Variants in NPAS3 observed in about 807,000 individuals in gnomAD.
NPAS3 encodes the protein neuronal PAS domain protein 3.
Under a neutral mutation model 73.1 loss-of-function variants are expected in NPAS3, and 14 were observed. That is an observed-to-expected ratio of 0.19 (90% CI 0.13 to 0.30). The LOEUF (loss-of-function observed/expected upper bound fraction) is 0.30, where lower values mean the gene tolerates loss of function less well. Among genes scored for constraint, NPAS3 ranks in the 10% least tolerant of loss-of-function variants. The pLI, the probability that NPAS3 is intolerant of heterozygous loss-of-function variation, is 1.00. For synonymous variants in NPAS3, 620 were observed against 541.5 expected, an observed-to-expected ratio of 1.14 and a Z score of -2.01; for missense variants, 1,096 against 1,250.0, an observed-to-expected ratio of 0.88 and a Z score of 1.86.
intron 1 of NPAS3, among the ~76,000 whole-genome samples, chr14:33,047,848 A>C (rs2138464687): frequency 6.6e-6 from 1 of 152,298 alleles, no homozygotes; most frequent in South Asian, 2.1e-4. Context: ...TCTCAGTGGA[A>C]GGACAAGTTT....
At chr14:33,117,270 G>A (rs1035585359) in intron 2 of NPAS3, among the ~76,000 whole-genome samples, 3 of 151,850 alleles carry the variant, frequency 2.0e-5, no homozygotes, top group Non-Finnish European at 2.9e-5. Flanking sequence ...GGAGATTCAC[G>A]GCTAGAGGGG....
At chr14:33,241,355 G>T (rs1230690774) in intron 3 of NPAS3, among the ~76,000 whole-genome samples, 1 of 151,910 alleles carries the variant, frequency 6.6e-6, no homozygotes, top group Non-Finnish European at 1.5e-5. Flanking sequence ...TTGGCACAAG[G>T]GAGCGCATCA....
At chr14:33,162,102 T>G (rs2044913558) in intron 2 of NPAS3, among the ~76,000 whole-genome samples, 1 of 152,224 alleles carries the variant, frequency 6.6e-6, no homozygotes, top group Non-Finnish European at 1.5e-5. Flanking sequence ...CTGAATGAAT[T>G]TTGCAAATCC....
At chr14:33,399,564 A>G (rs984816536) in intron 4 of NPAS3, among the ~76,000 whole-genome samples, 19 of 152,202 alleles carry the variant, frequency 1.2e-4, no homozygotes, top group Middle Eastern at 3.4e-3. Context: ...ACTGCATGCC[A>G]CAAGGAAGTA....
At chr14:33,106,269 G>A (rs140470010) in intron 2 of NPAS3, among the ~76,000 whole-genome samples, 1 of 152,264 alleles carries the variant, frequency 6.6e-6, no homozygotes, top group African/African-American at 2.4e-5. Flanking sequence ...AAGAAAAGAA[G>A]TATGTTCTTA....
intron 7 of NPAS3, among the ~76,000 whole-genome samples, chr14:33,744,523 C>T (rs1047995456): frequency 3.3e-5 from 5 of 152,154 alleles, no homozygotes; most frequent in Non-Finnish European, 7.3e-5. Context: ...CATGGTGGCT[C>T]ACACCTGTAA....
rs188700408 is a variant in NPAS3 at position 33,635,136 on chromosome 14, C to T, written c.559-41075C>T. Among the ~76,000 whole-genome samples, 223 of 152,224 alleles carry T rather than the reference C, an allele frequency of 1.5e-3. 1 individual carries two copies. The Middle Eastern group carries it at 0.031, about 21-fold the overall frequency. On this transcript the variant is annotated intron_variant, in intron 5 of 11. Transcript: ENST00000356141. ...ACAGAGAAGAAAGGAAACAGAAGGG[C>T]GTACATTGTGCCATTTAAAGACAGG...
intron 3 of NPAS3, among the ~76,000 whole-genome samples, chr14:33,242,056 A>T (rs997917567): frequency 3.9e-5 from 6 of 151,976 alleles, no homozygotes; most frequent in African/African-American, 1.4e-4. Flanking sequence ...CCTTATAAAA[A>T]TTTTGTTTTC....
intron 3 of NPAS3, among the ~76,000 whole-genome samples, chr14:33,299,832 G>A (rs1473472083): frequency 6.6e-6 from 1 of 152,076 alleles, no homozygotes; most frequent in Non-Finnish European, 1.5e-5. Flanking sequence ...CTTATTCAAT[G>A]AATTATTATA....
intron 3 of NPAS3, among the ~76,000 whole-genome samples, chr14:33,334,851 C>A (rs982877847): frequency 3.9e-5 from 6 of 152,122 alleles, no homozygotes; most frequent in Non-Finnish European, 5.9e-5. Flanking sequence ...CCCCACAGTT[C>A]AATGTATCAT....
At chr14:32,986,620 A>C (rs573708122) in intron 1 of NPAS3, among the ~76,000 whole-genome samples, 1 of 152,364 alleles carries the variant, frequency 6.6e-6, no homozygotes, top group African/African-American at 2.4e-5. Context: ...TTCTATTAAA[A>C]TTTAAAGTTA....
chr14:33,056,127 A>G, intron 2 of NPAS3, 133 bp downstream of exon 2: 1 of 540,234 alleles, frequency 1.9e-6, no homozygotes, highest in Admixed American at 3.4e-5. Context: ...AAAACAAAAA[A>G]ACAAACCAAC....
intron 6 of NPAS3, among the ~76,000 whole-genome samples, chr14:33,725,335 A>T (rs1363314662): frequency 2.0e-5 from 3 of 152,120 alleles, no homozygotes; most frequent in Admixed American, 1.3e-4. Context: ...ACTTTTTAAC[A>T]TTAAAAGATT....
Position 33,544,788 on chromosome 14 carries a change from T to TTATATATATATATATATATATATACATA in NPAS3, c.469-15310_469-15309insACATATATATATATATATATATATATAT, listed in dbSNP as rs71406561. Among the ~76,000 whole-genome samples the TTATATATATATATATATATATATACATA allele has an allele frequency of 2.9e-3, 181 of 63,240 alleles. 7 individuals carry two copies. Among genetic ancestry groups the TTATATATATATATATATATATATACATA allele is most frequent in the African/African-American group, 0.015 (170 of 11,562 alleles). The allele number at this position is 63,240 out of a possible 152,430, so 41.5% of individuals were successfully genotyped here. A position where few individuals can be genotyped will look rare whatever the true frequency, so the allele number is the denominator to read the frequency against. On this transcript the variant is annotated intron_variant, in intron 4 of 11. Coordinates refer to ENST00000356141, the Ensembl canonical transcript of NPAS3. Reference sequence around the variant, plus strand: ...GCATGTATGTGTTTATGTGTGTGTATTATATATATATATATATATATATGT... The same window carrying TTATATATATATATATATATATATACATA: ...GCATGTATGTGTTTATGTGTGTGTATTATATATATATATATATATATATACATATATATATATATATATATATATATGT...
rs182636621 is a variant in NPAS3, at chr14:33,287,121, C to T, written c.385+71695C>T. Among the ~76,000 whole-genome samples the T allele has an allele frequency of 4.6e-5, 7 of 152,034 alleles. No individual in the cohort carries two copies. The East Asian group carries it at 1.4e-3, about 29-fold the overall frequency. ...GAATATAGAAAGAAAGAAACTTTTC[C>T]CGTTTGGAGTTATTCGTGGGAGAAA... On this transcript the variant is annotated intron_variant, in intron 3 of 11. Coordinates refer to ENST00000356141, the Ensembl canonical transcript of NPAS3.
intron 6 of NPAS3, among the ~76,000 whole-genome samples, chr14:33,719,889 C>T (rs1254194462): frequency 6.6e-6 from 1 of 152,124 alleles, no homozygotes; most frequent in Non-Finnish European, 1.5e-5. Context: ...AAGACCCCTC[C>T]TTGTTGCCTG....
At chr14:33,199,900 T>A (rs540842431) in intron 2 of NPAS3, among the ~76,000 whole-genome samples, 116 of 152,262 alleles carry the variant, frequency 7.6e-4, no homozygotes, top group African/African-American at 2.7e-3. Context: ...CAACACGTAC[T>A]TATCGAAGAC....
intron 3 of NPAS3, among the ~76,000 whole-genome samples, chr14:33,356,229 A>G (rs899234548): frequency 6.6e-6 from 1 of 152,236 alleles, no homozygotes; most frequent in African/African-American, 2.4e-5. Context: ...CTGGAAAACA[A>G]ATAAAAATGA....
intron 1 of NPAS3, among the ~76,000 whole-genome samples, chr14:33,033,165 A>G (rs578063774): frequency 8.5e-4 from 129 of 152,300 alleles, no homozygotes; most frequent in African/African-American, 3.0e-3. Flanking sequence ...TATTAATATC[A>G]TAATTTCACT....
Sources: gnomAD v4.1 joint callset for allele counts (sites outside exome capture counted in the v4.1 genomes callset) on GRCh38, gnomAD v4.1.1 for gene constraint, MANE v1.5 for transcripts, NCBI Gene and HGNC (gene_info 2026-07-23, HGNC 2026-07-21) for gene names.